The following HIC1 variants were observed in gnomAD, a reference collection of about 807,000 sequenced individuals.
The protein encoded by HIC1 is hypermethylated in cancer 1 protein.
HIC1 carries 9 observed loss-of-function variants against 26.4 expected under a neutral mutation model. The ratio of observed to expected loss-of-function variants is 0.34; its 90% CI spans 0.21 to 0.59. The LOEUF (loss-of-function observed/expected upper bound fraction) is 0.59. Ranked by LOEUF, HIC1 falls within the 20% of genes least tolerant of loss-of-function variation. The pLI, the probability that HIC1 is intolerant of heterozygous loss-of-function variation, is 0.82. For synonymous variants in HIC1, 631 were observed against 523.1 expected, an observed-to-expected ratio of 1.21 and a Z score of -2.81; for missense variants, 965 against 1,075.7, an observed-to-expected ratio of 0.90 and a Z score of 1.44.
Position 2,056,990 on chromosome 17 carries a change from C to A in HIC1, c.300C>A (p.Ala100=). ...GAEAAAAAAV[A]PGAEPSLGAV... is the part of the protein sequence containing the mutation. ...AGGCGGCTGCGGCCGCGGCCGTGGC[C>A]CCGGGGGCTGAGCCGAGCCTGGGCG... is the stretch of plus-strand genomic sequence containing the variant. The change falls in exon 2 of 2, where the codon GCC becomes GCA. Residue 100 remains alanine (A), a synonymous_variant. Coordinates refer to ENST00000619757, the MANE Select transcript of HIC1 (RefSeq NM_006497.4). The A allele has an allele frequency of 1.3e-6, 2 of 1,557,642 alleles. No homozygotes were observed. The highest frequency in any genetic ancestry group is 5.0e-5 in the East Asian group (2 of 40,212).
chr17:2,056,933 C>T lies in HIC1; in HGVS notation c.243C>T (p.Phe81=). 5 of 1,608,990 alleles carry T rather than the reference C, an allele frequency of 3.1e-6. No homozygotes were observed. Among genetic ancestry groups the T allele is most frequent in the Non-Finnish European group, 4.2e-6 (5 of 1,178,424 alleles). ...SPAVFRLVLD[F]IYTGRLADGA... is the part of the protein sequence containing the mutation. ...CCGTGTTCCGCCTGGTGCTGGACTT[C>T]ATCTACACCGGCCGCCTGGCTGACG... Residue 81 remains phenylalanine (F), a synonymous_variant, in exon 2 of 2, where the codon TTC becomes TTT. Transcript: ENST00000619757.
rs770712220 is a variant in HIC1 at position 2,058,385 on chromosome 17, C to T, written c.1695C>T (p.Ile565=). 1.2e-6 allele frequency: 2 copies of T among 1,610,922 alleles called. No individual in the cohort carries two copies. Among genetic ancestry groups the T allele is most frequent in the African/African-American group, 1.3e-5 (1 of 74,976 alleles). Residue 565 remains isoleucine, a synonymous_variant, in exon 2 of 2, where the codon ATC becomes ATT. Coordinates refer to ENST00000619757, the MANE Select transcript of HIC1 (RefSeq NM_006497.4). The part of the protein sequence containing the change: ...RQYRLTEHMR[I]HSGEKPYECQ... Reference sequence around the variant, plus strand: ...ACCGCCTCACGGAGCACATGCGCATCCACTCGGGCGAGAAGCCCTACGAGT... The same window carrying T: ...ACCGCCTCACGGAGCACATGCGCATTCACTCGGGCGAGAAGCCCTACGAGT...
chr17:2,058,439 G>A lies in HIC1; in HGVS notation c.1749G>A (p.Gln583=). 2.5e-6 allele frequency: 4 copies of A among 1,602,978 alleles called. No homozygotes were observed. The highest frequency in any genetic ancestry group is 3.4e-6 in the Non-Finnish European group (4 of 1,174,822). ...ECQVCGGKFA[Q]QRNLISHMKM... ...AGGTGTGCGGCGGCAAGTTCGCACA[G>A]CAACGCAACCTCATCAGCCACATGA... is the stretch of plus-strand genomic sequence containing the variant. The change falls in exon 2 of 2, where the codon CAG becomes CAA. Residue 583 remains glutamine (Q), a synonymous_variant. Transcript: ENST00000619757.
At position 2,058,084 on chromosome 17, in the gene HIC1, C is replaced by T; in HGVS notation, c.1394C>T (p.Pro465Leu). 2 of 1,588,668 alleles carry T rather than the reference C, an allele frequency of 1.3e-6. No individual in the cohort carries two copies. The highest frequency in any genetic ancestry group is 2.2e-5 in the South Asian group (2 of 89,190). Residue 465 changes from proline to leucine, a missense_variant, in exon 2 of 2, where the codon CCC becomes CTC. Physicochemically the swap from Pro to Leu is moderately conservative, Grantham distance 98. Around this residue, in one of 6 missense-constraint regions of HIC1, gnomAD observed 105 missense variants for 101.4 expected, o/e 1.04. Coordinates refer to ENST00000619757, the MANE Select transcript of HIC1 (RefSeq NM_006497.4). ...GCCGCTGGGGCCGCCGGCCTAGGGC[C>T]CCCTTTTGGAGGCGGCGGGGACAAG... The part of the protein sequence containing the change: ...EVAAGAAGLG[P>L]PFGGGGDKVA...
chr17:2,056,326 C>G, intron 1 of HIC1: 1 of 1,613,514 alleles, frequency 6.2e-7, no homozygotes, highest in Non-Finnish European at 8.5e-7. Flanking sequence ...TTTCCTGAAG[C>G]GGACATTTTA....
intron 1 of HIC1, 58 bp from the exon 2 acceptor site, chr17:2,056,613 G>A (rs746895374): frequency 8.2e-6 from 12 of 1,470,198 alleles, no homozygotes; most frequent in Non-Finnish European, 1.1e-5. Flanking sequence ...GTGCCGGGCT[G>A]GGGCCAGGCG....
At chr17:2,056,611 C>T (rs983590038) in intron 1 of HIC1, 60 bp from the exon 2 acceptor site, 15 of 1,468,682 alleles carry the variant, frequency 1.0e-5, no homozygotes, top group South Asian at 1.4e-5. Context: ...AAGTGCCGGG[C>T]TGGGGCCAGG....
rs1049442744 is a variant in HIC1 at position 2,062,365 on chromosome 17, C to A, written c.*3530C>A. ...GTATCCTTCCAGGTTTCTTTAGGCA[C>A]ATTTACAAGTACATACACTTGGACA... is the stretch of plus-strand genomic sequence containing the variant. On this transcript the variant is annotated 3_prime_UTR_variant, in exon 2 of 2. Coordinates refer to ENST00000619757, the MANE Select transcript of HIC1 (RefSeq NM_006497.4). 1 of 152,254 alleles carries A rather than the reference C, an allele frequency of 6.6e-6. No homozygotes were observed. Among genetic ancestry groups the A allele is most frequent in the African/African-American group, 2.4e-5 (1 of 41,454 alleles). The allele number at this position is 152,254 out of a possible 1,614,324, so 9.4% of individuals were successfully genotyped here. A position where few individuals can be genotyped will look rare whatever the true frequency, so the allele number is the denominator to read the frequency against.
chr17:2,059,212 C>A lies in HIC1; in HGVS notation c.*377C>A, dbSNP rs1342365855. 9.4e-6 allele frequency: 2 copies of A among 212,220 alleles called. No individual in the cohort carries two copies. The highest frequency in any genetic ancestry group is 2.0e-5 in the Non-Finnish European group (2 of 98,486). 13.1% of individuals were successfully genotyped at this position (212,220 alleles called of 1,614,324 possible). A position where few individuals can be genotyped will look rare whatever the true frequency, so the allele number is the denominator to read the frequency against. On this transcript the variant is annotated 3_prime_UTR_variant, in exon 2 of 2. Transcript: ENST00000619757. ...CTCCTAGCCCTACCTCCGGCCCTTGCGACCACACCCATTCTCACTGTGAAT... is the reference window on the plus strand; with the variant it reads ...CTCCTAGCCCTACCTCCGGCCCTTGAGACCACACCCATTCTCACTGTGAAT...
Position 2,061,383 on chromosome 17 carries a change from G to T in HIC1, c.*2548G>T. On this transcript the variant is annotated 3_prime_UTR_variant, in exon 2 of 2. Coordinates refer to ENST00000619757, the MANE Select transcript of HIC1 (RefSeq NM_006497.4). ...GTGGGTTGGAAGAGGATGGTTTATTGTCTGGGTGGATTGGTGGCTCAGGCA... is the reference window on the plus strand; with the variant it reads ...GTGGGTTGGAAGAGGATGGTTTATTTTCTGGGTGGATTGGTGGCTCAGGCA... 1.8e-6 allele frequency: 2 copies of T among 1,117,354 alleles called. No homozygotes were observed. The highest frequency in any genetic ancestry group is 2.5e-6 in the Non-Finnish European group (2 of 788,906). 69.2% of individuals were successfully genotyped at this position (1,117,354 alleles called of 1,614,324 possible).
intron 1 of HIC1, chr17:2,056,186 A>T: frequency 1.2e-6 from 1 of 819,754 alleles, no homozygotes; most frequent in Non-Finnish European, 2.1e-6. Context: ...GGGCGGCGCC[A>T]GGGCGGGCAC....
chr17:2,058,070 C>T lies in HIC1; in HGVS notation c.1380C>T (p.Ala460=), dbSNP rs1438668540. 2.5e-6 allele frequency: 4 copies of T among 1,581,582 alleles called. No individual in the cohort carries two copies. Among genetic ancestry groups the T allele is most frequent in the Admixed American group, 1.8e-5 (1 of 55,180 alleles). The stretch of plus-strand genomic sequence containing the variant: ...AGGCGGCCGAAGTGGCCGCTGGGGC[C>T]GCCGGCCTAGGGCCCCCTTTTGGAG... ...RAEAAEVAAG[A]AGLGPPFGGG... is the part of the protein sequence containing the mutation. Residue 460 remains alanine (A), a synonymous_variant, in exon 2 of 2, where the codon GCC becomes GCT. Transcript: ENST00000619757.
At position 2,060,590 on chromosome 17, in the gene HIC1, C is replaced by G. The variant is rs550804441; in HGVS notation, c.*1755C>G. On this transcript the variant is annotated 3_prime_UTR_variant, in exon 2 of 2. Coordinates refer to ENST00000619757, the MANE Select transcript of HIC1 (RefSeq NM_006497.4). ...GGATCAGGGAGGTGAAAAGGATCAA[C>G]TAGAAGGGGAAGAAGGGTGAGGGGC... The G allele has an allele frequency of 1.3e-4, 20 of 152,224 alleles. No homozygotes were observed. Among genetic ancestry groups the G allele is most frequent in the African/African-American group, 4.8e-4 (20 of 41,430 alleles). 9.4% of individuals were successfully genotyped at this position (152,224 alleles called of 1,614,324 possible).
chr17:2,056,210 T>G (rs2067670931), intron 1 of HIC1: 7 of 1,048,036 alleles, frequency 6.7e-6, no homozygotes, highest in Admixed American at 1.7e-5. Flanking sequence ...GCTCCCCTCC[T>G]CCGTATCACT....
In HIC1 at chr17:2,058,307, G is replaced by T. The variant is rs746630708; in HGVS notation, c.1617G>T (p.Leu539=). The change falls in exon 2 of 2, where the codon CTG becomes CTT. Residue 539 remains leucine (L), a synonymous_variant. Coordinates refer to ENST00000619757, the MANE Select transcript of HIC1 (RefSeq NM_006497.4). ...GTMTRHMRSH[L]GLKPFACDAC... is the part of the protein sequence containing the mutation. The stretch of plus-strand genomic sequence containing the variant: ...TGACGCGCCACATGCGCAGCCACCT[G>T]GGCCTCAAGCCCTTCGCGTGCGACG... 6.2e-7 allele frequency: 1 copy of T among 1,609,594 alleles called. No homozygotes were observed. Among genetic ancestry groups the T allele is most frequent in the East Asian group, 2.2e-5 (1 of 44,720 alleles).
chr17:2,056,294 A>G, intron 1 of HIC1: 2 of 1,611,982 alleles, frequency 1.2e-6, no homozygotes, highest in Non-Finnish European at 1.7e-6. Flanking sequence ...TACTTGGGTA[A>G]AGTTCTCCGC....
chr17:2,058,123 C>T lies in HIC1; in HGVS notation c.1433C>T (p.Pro478Leu). 6.2e-7 allele frequency: 1 copy of T among 1,602,172 alleles called. No homozygotes were observed. The highest frequency in any genetic ancestry group is 8.5e-7 in the Non-Finnish European group (1 of 1,177,424). ...GGCGGGGACAAGGTCGCCGGGGCTC[C>T]GGGTGGCCTGGGAGAGCTGCTGCGG... ...GGGGDKVAGA[P>L]GGLGELLRPY... Residue 478 changes from proline (P) to leucine (L), a missense_variant, in exon 2 of 2, where the codon CCG becomes CTG. Physicochemically the swap from Pro to Leu is moderately conservative, Grantham distance 98. This residue lies in a region of HIC1 where 105 missense variants were observed against 101.4 expected (regional missense o/e 1.04). Coordinates refer to ENST00000619757, the MANE Select transcript of HIC1 (RefSeq NM_006497.4).
Position 2,058,739 on chromosome 17 carries a change from C to T in HIC1, c.2049C>T (p.Gly683=), listed in dbSNP as rs897975068. Residue 683 remains glycine, a synonymous_variant, in exon 2 of 2, where the codon GGC becomes GGT. Transcript: ENST00000619757. ...YPLAKFTAEL[G]LSPDKAAEVL... ...TGGCCAAGTTCACGGCCGAGCTGGG[C>T]CTCAGCCCCGACAAGGCGGCCGAGG... 2.6e-6 allele frequency: 4 copies of T among 1,529,958 alleles called. No homozygotes were observed. Among genetic ancestry groups the T allele is most frequent in the East Asian group, 2.6e-5 (1 of 39,034 alleles). The allele number at this position is 1,529,958 out of a possible 1,614,324, so 94.8% of individuals were successfully genotyped here. A position where few individuals can be genotyped will look rare whatever the true frequency, so the allele number is the denominator to read the frequency against.
Position 2,058,933 on chromosome 17 carries a change from C to A in HIC1, c.*98C>A. On this transcript the variant is annotated 3_prime_UTR_variant, in exon 2 of 2. Coordinates refer to ENST00000619757, the MANE Select transcript of HIC1 (RefSeq NM_006497.4). ...CGCGCAGGGCCCACTGTGCCCGGGA[C>A]AACCGCAGCGTCGCCACAGTGGCGG... 9.0e-7 allele frequency: 1 copy of A among 1,105,532 alleles called. No individual in the cohort carries two copies. Among genetic ancestry groups the A allele is most frequent in the East Asian group, 3.2e-5 (1 of 30,880 alleles). 68.5% of individuals were successfully genotyped at this position (1,105,532 alleles called of 1,614,324 possible).
Sources: gnomAD v4.1 joint callset for allele counts on GRCh38, gnomAD v4.1.1 for gene constraint, gnomAD v4.1.1 regional missense constraint, MANE v1.5 for transcripts, NCBI Gene and HGNC (gene_info 2026-07-23, HGNC 2026-07-21) for gene names.